FBN2: variants seen among roughly 807,000 people sequenced by gnomAD.
FBN2 encodes the protein fibrillin-2.
FBN2 carries 105 observed loss-of-function variants against 355.6 expected under a neutral mutation model. The ratio of observed to expected loss-of-function variants is 0.30; its 90% CI spans 0.25 to 0.35. FBN2 has a LOEUF of 0.35. Ranked by LOEUF, FBN2 falls within the 10% of genes least tolerant of loss-of-function variation. The pLI is 1.00. For missense variants in FBN2, 3,280 were observed against 3,758.7 expected (o/e 0.87, Z 3.33); for synonymous variants, 1,350 against 1,301.2 (o/e 1.04, Z -0.81).
intron 5 of FBN2, among the ~76,000 whole-genome samples, chr5:128,491,445 G>C (rs1263740741): frequency 6.6e-6 from 1 of 152,130 alleles, no homozygotes; most frequent in Admixed American, 6.5e-5. Flanking sequence ...TTCCTTGCAG[G>C]GTCAGATGGT....
chr5:128,406,662 A>C (rs1234785129), intron 8 of FBN2, among the ~76,000 whole-genome samples: 3 of 152,168 alleles, frequency 2.0e-5, no homozygotes, highest in Non-Finnish European at 4.4e-5. Context: ...TACAGCATGG[A>C]TATGCTGGGA....
chr5:128,346,478 T>C (rs1021808719), intron 23 of FBN2, among the ~76,000 whole-genome samples: 6 of 152,224 alleles, frequency 3.9e-5, no homozygotes, highest in Admixed American at 1.3e-4. Flanking sequence ...GGGAATGAGA[T>C]CCCTGATGGA....
chr5:128,417,240 T>C (rs1429149924), intron 7 of FBN2, among the ~76,000 whole-genome samples: 1 of 152,168 alleles, frequency 6.6e-6, no homozygotes, highest in Non-Finnish European at 1.5e-5. Flanking sequence ...TTATCAGATC[T>C]AAGAGGTTTT....
In FBN2 at chr5:128,345,529, G is replaced by C. The variant is rs371640952; in HGVS notation, c.3045C>G (p.Pro1015=). ...LKWDEDECIH[P]VPGKFRMDAC... ...CATCCATGCGGAACTTTCCAGGAAC[G>C]GGGTGGATGCATTCATCTTCATCCC... is the stretch of plus-strand genomic sequence containing the variant. The change falls in exon 24 of 65, where the codon CCC becomes CCG. Residue 1015 remains proline, a synonymous_variant. Coordinates refer to ENST00000262464, the MANE Select transcript of FBN2 (RefSeq NM_001999.4). 19 of 1,614,126 alleles carry C rather than the reference G, an allele frequency of 1.2e-5. No homozygotes were observed. The highest frequency in any genetic ancestry group is 1.6e-5 in the Non-Finnish European group (19 of 1,180,022).
In FBN2 at chr5:128,274,104, A is replaced by C. The variant is rs113711524; in HGVS notation, c.7712-136T>G. The C allele has an allele frequency of 1.9e-4, 171 of 912,062 alleles. 1 individual carries two copies. The African/African-American group carries it at 2.2e-3, about 12-fold the overall frequency. 56.5% of individuals were successfully genotyped at this position (912,062 alleles called of 1,614,324 possible). A position where few individuals can be genotyped will look rare whatever the true frequency, so the allele number is the denominator to read the frequency against. The stretch of plus-strand genomic sequence containing the variant: ...TGGCATTTTGGGAAAATTTATACCA[A>C]AATTCACTGTCATATTAAAGACAAA... On this transcript the variant is annotated intron_variant, in intron 60 of 64. Transcript: ENST00000262464.
At position 128,278,648 on chromosome 5, in the gene FBN2, T is replaced by C; in HGVS notation, c.7332A>G (p.Thr2444=). The C allele has an allele frequency of 6.2e-7, 1 of 1,613,942 alleles. No homozygotes were observed. Among genetic ancestry groups the C allele is most frequent in the South Asian group, 1.1e-5 (1 of 91,082 alleles). ...TCAACTCCTTACCTCTTCCATCAGTTGTATATCCTGGGCCATGAGGACATA... is the reference window on the plus strand; with the variant it reads ...TCAACTCCTTACCTCTTCCATCAGTCGTATATCCTGGGCCATGAGGACATA... ...KKICPHGPGY[T]TDGRDIDECK... The change falls in exon 57 of 65, where the codon ACA becomes ACG. Residue 2444 remains threonine (T), a synonymous_variant. Coordinates refer to ENST00000262464, the MANE Select transcript of FBN2 (RefSeq NM_001999.4).
intron 8 of FBN2, among the ~76,000 whole-genome samples, chr5:128,402,422 C>CAA (rs1752821431): frequency 1.3e-5 from 2 of 151,860 alleles, no homozygotes; most frequent in African/African-American, 4.8e-5. Context: ...TATTTACAGT[C>CAA]ACACCGAGAA....
intron 4 of FBN2, among the ~76,000 whole-genome samples, chr5:128,523,923 C>CT (rs1756500550): frequency 6.6e-6 from 1 of 152,050 alleles, no homozygotes; most frequent in Non-Finnish European, 1.5e-5. Context: ...TGGCCCTTTC[C>CT]TTTTCTCTGT....
At chr5:128,309,047 G>A (rs141222993) in intron 41 of FBN2, among the ~76,000 whole-genome samples, 200 bp downstream of exon 41, 27 of 152,308 alleles carry the variant, frequency 1.8e-4, no homozygotes, top group African/African-American at 6.5e-4. Context: ...GGATTCACAA[G>A]CCTATCCAAC....
In FBN2 at chr5:128,338,085, C is replaced by A; in HGVS notation, c.3510G>T (p.Arg1170Ser). The stretch of plus-strand genomic sequence containing the variant: ...CCTCAGTGTTCACACAGGTGCCACC[C>A]CTACAAAGGAGAGGGTTACGTTCAC... ...DECERNPLLC[R>S]GGTCVNTEGS... Residue 1170 changes from arginine to serine, a missense_variant, in exon 27 of 65, where the codon AGG becomes AGT. Transcript: ENST00000262464. 1 of 1,613,980 alleles carries A rather than the reference C, an allele frequency of 6.2e-7. No individual in the cohort carries two copies. The highest frequency in any genetic ancestry group is 8.5e-7 in the Non-Finnish European group (1 of 1,179,916).
At chr5:128,513,852 T>C (rs948566340) in intron 5 of FBN2, among the ~76,000 whole-genome samples, 2 of 152,158 alleles carry the variant, frequency 1.3e-5, no homozygotes, top group East Asian at 3.8e-4. Flanking sequence ...TCTAATTTTC[T>C]TTCCCTCTGT....
At chr5:128,421,326 G>C (rs931892917) in intron 7 of FBN2, among the ~76,000 whole-genome samples, 3 of 152,156 alleles carry the variant, frequency 2.0e-5, no homozygotes, top group Non-Finnish European at 4.4e-5. Context: ...AGGGACAGCA[G>C]AGATGATGGC....
At chr5:128,520,434 G>A (rs1348697818) in intron 4 of FBN2, among the ~76,000 whole-genome samples, 1 of 152,144 alleles carries the variant, frequency 6.6e-6, no homozygotes, top group Non-Finnish European at 1.5e-5. Context: ...TATATTCTAT[G>A]ACCTGTGTCC....
chr5:128,370,844 A>C (rs1751914891), intron 15 of FBN2, among the ~76,000 whole-genome samples: 1 of 152,170 alleles, frequency 6.6e-6, no homozygotes, highest in African/African-American at 2.4e-5. Flanking sequence ...TAGAGTACCC[A>C]ACACCAGAAG....
At chr5:128,521,261 C>T (rs34722489) in intron 4 of FBN2, among the ~76,000 whole-genome samples, 2 of 152,002 alleles carry the variant, frequency 1.3e-5, no homozygotes, top group East Asian at 3.9e-4. Flanking sequence ...CAAACTAACA[C>T]AGGAACAGAA....
intron 38 of FBN2, 73 bp downstream of exon 38, chr5:128,311,812 G>T: frequency 8.6e-7 from 1 of 1,159,652 alleles, no homozygotes; most frequent in Non-Finnish European, 1.3e-6. Context: ...TCTGCCCTAG[G>T]TTTTCTGCCA....
chr5:128,410,552 A>G (rs1315359920), intron 7 of FBN2, among the ~76,000 whole-genome samples: 1 of 152,242 alleles, frequency 6.6e-6, no homozygotes, highest in African/African-American at 2.4e-5. Flanking sequence ...AAACATTAAG[A>G]GACTCAACTT....
chr5:128,295,980 A>G (rs1442080449), intron 48 of FBN2, among the ~76,000 whole-genome samples: 9 of 150,560 alleles, frequency 6.0e-5, no homozygotes, highest in African/African-American at 2.0e-4. Flanking sequence ...GGTTTGTCAT[A>G]GATAGCTCTT....
intron 50 of FBN2, 143 bp downstream of exon 50, chr5:128,290,589 G>T: frequency 1.2e-6 from 1 of 838,662 alleles, no homozygotes; most frequent in Non-Finnish European, 2.0e-6. Flanking sequence ...CTCAGGCTAG[G>T]TTGTTCAATG....
Sources: gnomAD v4.1 joint callset for allele counts (sites outside exome capture counted in the v4.1 genomes callset) on GRCh38, gnomAD v4.1.1 for gene constraint, MANE v1.5 for transcripts, NCBI Gene and HGNC (gene_info 2026-07-23, HGNC 2026-07-21) for gene names.